The following KLHL32 variants were observed in gnomAD, a reference collection of about 807,000 sequenced individuals.
The protein encoded by KLHL32 is kelch-like protein 32.
KLHL32 carries 35 observed loss-of-function variants against 64.8 expected under a neutral mutation model. The ratio of observed to expected loss-of-function variants is 0.54; its 90% CI spans 0.41 to 0.72. The LOEUF (loss-of-function observed/expected upper bound fraction) is 0.72, where lower values mean the gene tolerates loss of function less well. Among genes scored for constraint, KLHL32 ranks in the 30% least tolerant of loss-of-function variants. The pLI, the probability that KLHL32 is intolerant of heterozygous loss-of-function variation, is 0.00. For synonymous variants in KLHL32, 259 were observed against 281.0 expected, an observed-to-expected ratio of 0.92 and a Z score of 0.78; for missense variants, 589 against 768.5, an observed-to-expected ratio of 0.77 and a Z score of 2.76.
chr6:97,039,180 A>G (rs1215214398), intron 3 of KLHL32, among the ~76,000 whole-genome samples: 2 of 152,154 alleles, frequency 1.3e-5, no homozygotes, highest in African/African-American at 4.8e-5. Context: ...TGTGGTATAT[A>G]TACCCAAAGA....
intron 3 of KLHL32, among the ~76,000 whole-genome samples, chr6:97,025,589 G>A (rs1442850961): frequency 1.3e-5 from 2 of 152,188 alleles, no homozygotes; most frequent in African/African-American, 4.8e-5. Context: ...AGGTCTGTAA[G>A]TCTAAACACA....
intron 1 of KLHL32, among the ~76,000 whole-genome samples, chr6:96,928,329 A>G (rs1769419888): frequency 6.6e-6 from 1 of 152,158 alleles, no homozygotes; most frequent in African/African-American, 2.4e-5. Context: ...GTGGGTTAAG[A>G]GGATGATGCT....
chr6:96,994,389 G>A lies in KLHL32; in HGVS notation c.204+18212G>A, dbSNP rs774927258. ...ATTTATATTTCAATTCTTAATATCC[G>A]GAAAATAAAACTATACAAATTATTT... is the stretch of plus-strand genomic sequence containing the variant. On this transcript the variant is annotated intron_variant, in intron 3 of 10. Coordinates refer to ENST00000369261, the MANE Select transcript of KLHL32 (RefSeq NM_052904.4). 47 of 575,954 alleles carry A rather than the reference G, an allele frequency of 8.2e-5. No individual in the cohort carries two copies. In the Middle Eastern group the frequency reaches 2.6e-3, roughly 32 times the overall value. The allele number at this position is 575,954 out of a possible 1,614,324, so 35.7% of individuals were successfully genotyped here.
chr6:97,102,861 T>G (rs1348160111), intron 6 of KLHL32, among the ~76,000 whole-genome samples: 1 of 152,042 alleles, frequency 6.6e-6, no homozygotes, highest in Admixed American at 6.6e-5. Context: ...ATTTTAGGTT[T>G]GGGAGTACAC....
intron 6 of KLHL32, among the ~76,000 whole-genome samples, chr6:97,099,983 A>G (rs1407695215): frequency 4.6e-5 from 7 of 152,062 alleles, no homozygotes; most frequent in Admixed American, 3.9e-4. Context: ...CATCTCTACT[A>G]AAAATACAAA....
chr6:96,953,153 A>G (rs1375314682), intron 1 of KLHL32, among the ~76,000 whole-genome samples: 1 of 152,214 alleles, frequency 6.6e-6, no homozygotes, highest in Non-Finnish European at 1.5e-5. Context: ...TCTGTGCAGC[A>G]GGCAAGAAGA....
chr6:97,034,099 T>G (rs533066996), intron 3 of KLHL32, among the ~76,000 whole-genome samples: 1 of 150,142 alleles, frequency 6.7e-6, no homozygotes, highest in East Asian at 1.9e-4. Context: ...AAATTATTGC[T>G]TAGACCAATG....
At chr6:97,055,662 G>C (rs1787674884) in intron 4 of KLHL32, among the ~76,000 whole-genome samples, 1 of 151,956 alleles carries the variant, frequency 6.6e-6, no homozygotes, top group African/African-American at 2.4e-5. Context: ...ACCAGGTGTG[G>C]TGACATGTGC....
At position 97,005,574 on chromosome 6, in the gene KLHL32, G is replaced by C. The variant is rs141651600; in HGVS notation, c.204+29397G>C. ...CTATTTCTTCTAGGTGTGATATTAG[G>C]TTGTTAATTTGAGATATTTCTAACT... On this transcript the variant is annotated intron_variant, in intron 3 of 10. Coordinates refer to ENST00000369261, the MANE Select transcript of KLHL32 (RefSeq NM_052904.4). Among the ~76,000 whole-genome samples, 146 of 152,112 alleles carry C rather than the reference G, an allele frequency of 9.6e-4. 1 individual carries two copies. The East Asian group carries it at 0.024, about 25-fold the overall frequency.
intron 6 of KLHL32, among the ~76,000 whole-genome samples, chr6:97,107,228 G>C (rs1358454020): frequency 6.6e-6 from 1 of 151,734 alleles, no homozygotes; most frequent in African/African-American, 2.4e-5. Context: ...AGGAGGCGGA[G>C]CTTGCAGTGA....
chr6:97,056,619 GA>G (rs1236280693), intron 4 of KLHL32, among the ~76,000 whole-genome samples: 1 of 152,114 alleles, frequency 6.6e-6, no homozygotes, highest in Non-Finnish European at 1.5e-5. Flanking sequence ...ATTTGGTATT[GA>G]CAAATAACTT....
chr6:97,051,756 T>A (rs1206335117), intron 4 of KLHL32, among the ~76,000 whole-genome samples: 2 of 152,192 alleles, frequency 1.3e-5, no homozygotes, highest in Non-Finnish European at 2.9e-5. Flanking sequence ...TAATCATTTA[T>A]ATAGTGGGGA....
chr6:96,986,927 G>A (rs1267793311), intron 3 of KLHL32, among the ~76,000 whole-genome samples: 1 of 152,182 alleles, frequency 6.6e-6, no homozygotes, highest in Non-Finnish European at 1.5e-5. Flanking sequence ...CAGTACCTCA[G>A]TTGGAAATGC....
At chr6:96,907,870 G>A in the KLHL32 span, among the ~76,000 whole-genome samples, 2,665 of 152,260 alleles carry the variant, frequency 0.018, 78 homozygotes, top group African/African-American at 0.062. Flanking sequence ...TCTGCTTAGC[G>A]CTCAAGATGT....
intron 7 of KLHL32, among the ~76,000 whole-genome samples, chr6:97,125,145 T>C (rs1798747075): frequency 6.6e-6 from 1 of 152,206 alleles, no homozygotes; most frequent in Non-Finnish European, 1.5e-5. Context: ...TTCAAGCTTC[T>C]GAGATAATTT....
intron 8 of KLHL32, 78 bp downstream of exon 8, chr6:97,127,540 G>T (rs1329779204): frequency 8.5e-7 from 1 of 1,176,760 alleles, no homozygotes; most frequent in African/African-American, 1.5e-5. Context: ...TAATTGGAAT[G>T]CCAAGTGTAC....
chr6:96,997,364 C>G (rs902278503), intron 3 of KLHL32, among the ~76,000 whole-genome samples: 3 of 152,128 alleles, frequency 2.0e-5, no homozygotes, highest in Admixed American at 1.3e-4. Context: ...TCCCAAACCC[C>G]TCTCCAGAAT....
chr6:96,943,143 C>CACACATATAT, intron 1 of KLHL32, among the ~76,000 whole-genome samples: 1 of 152,006 alleles, frequency 6.6e-6, no homozygotes, highest in Non-Finnish European at 1.5e-5. Flanking sequence ...CACATATGCA[C>CACACATATAT]ACACATATAT....
At chr6:96,954,062 A>G (rs1044188591) in intron 1 of KLHL32, among the ~76,000 whole-genome samples, 2 of 152,008 alleles carry the variant, frequency 1.3e-5, no homozygotes, top group Non-Finnish European at 2.9e-5. Context: ...GAGAATTCCT[A>G]TCATCTCTTT....
Sources: gnomAD v4.1 joint callset for allele counts (sites outside exome capture counted in the v4.1 genomes callset) on GRCh38, gnomAD v4.1.1 for gene constraint, MANE v1.5 for transcripts, NCBI Gene and HGNC (gene_info 2026-07-23, HGNC 2026-07-21) for gene names.